Variants in NXPE2 observed in about 807,000 individuals in gnomAD.
NXPE2 encodes neurexophilin and PC-esterase domain family member 2.
In NXPE2, 34 loss-of-function variants were observed where a neutral mutation model predicts 34.4. The ratio of observed to expected loss-of-function variants is 0.99; its 90% CI spans 0.75 to 1.31. The LOEUF is 1.31. Ranked by LOEUF, NXPE2 falls within the 40% of genes most tolerant of loss-of-function variation. The pLI is 0.00. For missense variants in NXPE2, 649 were observed against 672.5 expected (o/e 0.97, Z 0.39); for synonymous variants, 235 against 231.3 (o/e 1.02, Z -0.15).
chr11:114,652,889 C>A, the NXPE2 span, among the ~76,000 whole-genome samples: 2 of 152,166 alleles, frequency 1.3e-5, no homozygotes, highest in African/African-American at 4.8e-5. Flanking sequence ...TGGTGCCAAT[C>A]ACTTTTTCAA....
At chr11:114,722,415 C>CT in the NXPE2 span, among the ~76,000 whole-genome samples, 9,335 of 146,322 alleles carry the variant, frequency 0.064, 873 homozygotes, top group African/African-American at 0.2. Context: ...AATTAAACCT[C>CT]TTTTTTTTTT....
chr11:114,734,002 G>T, the NXPE2 span, among the ~76,000 whole-genome samples: 33 of 152,224 alleles, frequency 2.2e-4, 1 homozygote, highest in Non-Finnish European at 4.7e-4. Flanking sequence ...CTAAGGAGTT[G>T]AATCAGTAAA....
At chr11:114,785,061 T>C in the NXPE2 span, among the ~76,000 whole-genome samples, 1 of 151,996 alleles carries the variant, frequency 6.6e-6, no homozygotes, top group Non-Finnish European at 1.5e-5. Context: ...GTAACAACAG[T>C]CTGCCCTGTG....
At chr11:114,612,353 G>A in the NXPE2 span, among the ~76,000 whole-genome samples, 1 of 151,852 alleles carries the variant, frequency 6.6e-6, no homozygotes. Context: ...TGCCTCGTGG[G>A]TAACCACAGT....
chr11:114,670,321 C>A, the NXPE2 span, among the ~76,000 whole-genome samples: 2 of 151,964 alleles, frequency 1.3e-5, no homozygotes, highest in Admixed American at 6.6e-5. Context: ...ATGCCCAAGC[C>A]TTTACTTTCT....
chr11:114,489,279 T>A, the NXPE2 span, among the ~76,000 whole-genome samples: 1 of 151,966 alleles, frequency 6.6e-6, no homozygotes, highest in African/African-American at 2.4e-5. Flanking sequence ...CTACCAGAGG[T>A]ACAAAGAGGA....
At chr11:114,492,922 T>C in the NXPE2 span, among the ~76,000 whole-genome samples, 6 of 152,232 alleles carry the variant, frequency 3.9e-5, no homozygotes, top group African/African-American at 1.4e-4. Context: ...CCAATTATTA[T>C]TGTATTGGAG....
chr11:114,501,319 A>T, the NXPE2 span, among the ~76,000 whole-genome samples: 1 of 152,182 alleles, frequency 6.6e-6, no homozygotes, highest in Non-Finnish European at 1.5e-5. Context: ...TGCTCTAAGC[A>T]CTACCCCTTA....
At chr11:114,691,824 A>G (rs1792418) in intron 2 of NXPE2, among the ~76,000 whole-genome samples, 132,416 of 150,172 alleles carry the variant, frequency 0.88, 58,246 homozygotes, top group Non-Finnish European at 0.93. Flanking sequence ...TAGATCTCCA[A>G]GGAAAGTGGG....
chr11:114,632,575 CATATATTTATTGTATATTGATGT>C, the NXPE2 span, among the ~76,000 whole-genome samples: 1 of 104,360 alleles, frequency 9.6e-6, no homozygotes, highest in Non-Finnish European at 1.8e-5. Context: ...TTACATATAT[CATATATTTATTGTATATTGATGT>C]ATATATTTAT....
the NXPE2 span, among the ~76,000 whole-genome samples, chr11:114,487,463 T>C: frequency 6.6e-6 from 1 of 152,148 alleles, no homozygotes; most frequent in African/African-American, 2.4e-5. Context: ...ACTTCTTCCT[T>C]TCTAATTGCT....
the NXPE2 span, chr11:114,571,158 A>G: frequency 1.2e-6 from 2 of 1,613,848 alleles, no homozygotes; most frequent in Non-Finnish European, 1.7e-6. Flanking sequence ...TTCTGTTTTG[A>G]TGATAACCAT....
chr11:114,708,629 C>CAAAAA (rs527711557), downstream of NXPE2, among the ~76,000 whole-genome samples: 1 of 117,060 alleles, frequency 8.5e-6, no homozygotes, highest in African/African-American at 3.3e-5. Context: ...GACTCCATCT[C>CAAAAA]AAAAAAAAAA....
the NXPE2 span, among the ~76,000 whole-genome samples, chr11:114,607,161 T>G: frequency 1.3e-5 from 2 of 151,908 alleles, no homozygotes; most frequent in African/African-American, 4.8e-5. Context: ...TATTACCCAC[T>G]GGATAATCAG....
the NXPE2 span, chr11:114,583,623 T>G: frequency 1.7e-6 from 1 of 593,298 alleles, no homozygotes; most frequent in Non-Finnish European, 3.3e-6. Context: ...GCTGTGAAAC[T>G]TAATGAGCAG....
the NXPE2 span, among the ~76,000 whole-genome samples, chr11:114,502,521 G>A: frequency 3.3e-5 from 5 of 152,124 alleles, no homozygotes; most frequent in Admixed American, 6.5e-5. Flanking sequence ...CTAAGATTAT[G>A]AGACTTTATA....
At chr11:114,618,144 T>C in the NXPE2 span, among the ~76,000 whole-genome samples, 1 of 151,776 alleles carries the variant, frequency 6.6e-6, no homozygotes, top group African/African-American at 2.4e-5. Context: ...ACCTGGTGGA[T>C]AGTAAGTATT....
the NXPE2 span, among the ~76,000 whole-genome samples, chr11:114,535,563 G>A: frequency 1.2e-4 from 18 of 152,190 alleles, no homozygotes; most frequent in African/African-American, 4.1e-4. Context: ...ACATACATAG[G>A]CTCAAAATAA....
At chr11:114,642,538 G>T in the NXPE2 span, among the ~76,000 whole-genome samples, 1 of 151,812 alleles carries the variant, frequency 6.6e-6, no homozygotes, top group South Asian at 2.1e-4. Context: ...GTTTGTGTTA[G>T]TTTGCTGAGA....
Sources: gnomAD v4.1 joint callset for allele counts (sites outside exome capture counted in the v4.1 genomes callset) on GRCh38, gnomAD v4.1.1 for gene constraint, MANE v1.5 for transcripts, NCBI Gene and HGNC (gene_info 2026-07-23, HGNC 2026-07-21) for gene names.